The following DPP6 variants were observed in gnomAD, a reference collection of about 807,000 sequenced individuals.
DPP6 encodes the protein A-type potassium channel modulatory protein DPP6.
A neutral mutation model predicts 122.6 loss-of-function variants in DPP6; 69 were observed. That is an observed-to-expected ratio of 0.56 (90% CI 0.46 to 0.69). The LOEUF (loss-of-function observed/expected upper bound fraction) is 0.69. Among genes scored for constraint, DPP6 ranks in the 30% least tolerant of loss-of-function variants. DPP6 has a pLI of 0.00. For missense variants in DPP6, 928 were observed against 1,116.9 expected (o/e 0.83, Z 2.41); for synonymous variants, 418 against 433.1 (o/e 0.97, Z 0.43).
rs2629013 is a variant in DPP6, at chr7:154,010,251, A to G, written c.51+122517A>G. On this transcript the variant is annotated intron_variant, in intron 1 of 25. Transcript: ENST00000404039. Reference sequence around the variant, plus strand: ...TTTATACACCTTTCAGAAACAGAACACAGCAAATCTGCCTCAGCAAACATG... The same window carrying G: ...TTTATACACCTTTCAGAAACAGAACGCAGCAAATCTGCCTCAGCAAACATG... Among the ~76,000 whole-genome samples the G allele has an allele frequency of 2.1e-3, 322 of 152,358 alleles. 3 individuals are homozygous for G. The highest frequency in any genetic ancestry group is 7.2e-3 in the African/African-American group (301 of 41,592).
At chr7:154,330,641 T>C (rs1463257613) in intron 1 of DPP6, among the ~76,000 whole-genome samples, 1 of 152,208 alleles carries the variant, frequency 6.6e-6, no homozygotes, top group East Asian at 1.9e-4. Flanking sequence ...ACATACATTC[T>C]CAGCAGTGTA....
intron 1 of DPP6, among the ~76,000 whole-genome samples, chr7:154,040,889 T>G (rs1360780637): frequency 1.3e-5 from 2 of 150,288 alleles, no homozygotes; most frequent in Non-Finnish European, 3.0e-5. Flanking sequence ...CATCTTCAAC[T>G]CATAGCAGCC....
intron 1 of DPP6, among the ~76,000 whole-genome samples, chr7:154,106,857 G>A (rs867783025): frequency 6.6e-6 from 1 of 152,130 alleles, no homozygotes; most frequent in African/African-American, 2.4e-5. Flanking sequence ...AAGGAGCAAC[G>A]CACTGACGCT....
intron 5 of DPP6, chr7:154,587,380 C>T: frequency 1.9e-6 from 1 of 531,054 alleles, no homozygotes; most frequent in Non-Finnish European, 3.4e-6. Context: ...TTGATCTGGA[C>T]TCTTCTCTCC....
At chr7:154,426,659 G>T (rs1028002868) in intron 1 of DPP6, among the ~76,000 whole-genome samples, 3 of 151,960 alleles carry the variant, frequency 2.0e-5, no homozygotes, top group African/African-American at 7.3e-5. Flanking sequence ...CTCCAGAGGG[G>T]CAAACCATCC....
chr7:154,405,598 C>T (rs1816018708), intron 1 of DPP6, among the ~76,000 whole-genome samples: 1 of 151,574 alleles, frequency 6.6e-6, no homozygotes, highest in Non-Finnish European at 1.5e-5. Context: ...CCCACTGGGG[C>T]TCTGGAGGCT....
chr7:153,885,233 T>C (rs2128990429), upstream of DPP6, among the ~76,000 whole-genome samples: 1 of 152,092 alleles, frequency 6.6e-6, no homozygotes, highest in Non-Finnish European at 1.5e-5. Flanking sequence ...CTGTCCACAC[T>C]CAACTGGGTT....
chr7:154,862,195 C>G (rs1803466498), intron 17 of DPP6, among the ~76,000 whole-genome samples: 1 of 152,196 alleles, frequency 6.6e-6, no homozygotes, highest in African/African-American at 2.4e-5. Flanking sequence ...GAGGGGGCTC[C>G]AAGGCCTTCC....
chr7:154,240,287 C>T (rs961074645), intron 1 of DPP6, among the ~76,000 whole-genome samples: 1 of 152,078 alleles, frequency 6.6e-6, no homozygotes, highest in Admixed American at 6.6e-5. Context: ...GTCTCTGTTA[C>T]CACCGGATGC....
chr7:154,565,234 C>T (rs1373912690), intron 4 of DPP6, among the ~76,000 whole-genome samples: 1 of 152,194 alleles, frequency 6.6e-6, no homozygotes. Context: ...TCAAAGGAAG[C>T]TAACGTTGAG....
At chr7:154,123,053 G>T (rs930821528) in intron 1 of DPP6, among the ~76,000 whole-genome samples, 3 of 152,172 alleles carry the variant, frequency 2.0e-5, no homozygotes, top group Admixed American at 1.3e-4. Context: ...GTATCAAAGG[G>T]TCGGACACCT....
chr7:153,918,466 A>ACACACACACTCTCT (rs1379555083), intron 1 of DPP6, among the ~76,000 whole-genome samples: 2 of 95,952 alleles, frequency 2.1e-5, no homozygotes, highest in African/African-American at 7.7e-5. Flanking sequence ...ACACACACAC[A>ACACACACACTCTCT]CTCTCTCTCT....
intron 4 of DPP6, among the ~76,000 whole-genome samples, chr7:154,547,644 G>A (rs1314392189): frequency 2.0e-5 from 3 of 152,152 alleles, no homozygotes; most frequent in African/African-American, 2.4e-5. Context: ...GTGAGAAATC[G>A]TAGCACAAAC....
At chr7:154,030,104 G>A (rs1040673602) in intron 1 of DPP6, among the ~76,000 whole-genome samples, 2 of 152,094 alleles carry the variant, frequency 1.3e-5, no homozygotes, top group Non-Finnish European at 2.9e-5. Flanking sequence ...ATTGCAGTGG[G>A]AGGATCACTC....
At chr7:154,058,201 C>A (rs1801057861) in intron 1 of DPP6, 1 of 147,818 alleles carries the variant, frequency 6.8e-6, no homozygotes, top group Admixed American at 6.7e-5. Flanking sequence ...TGCGAACCTC[C>A]CCCTTTCCTC....
At chr7:153,948,917 A>C (rs1242609777) in intron 1 of DPP6, among the ~76,000 whole-genome samples, 1 of 151,662 alleles carries the variant, frequency 6.6e-6, no homozygotes, top group African/African-American at 2.4e-5. Flanking sequence ...TACTTCAAGC[A>C]AAATTGGGAA....
chr7:154,079,334 G>A (rs1803818373), intron 1 of DPP6, among the ~76,000 whole-genome samples: 1 of 141,516 alleles, frequency 7.1e-6, no homozygotes, highest in Non-Finnish European at 1.6e-5. Flanking sequence ...CTGTTCAGCA[G>A]AGATTTGTAA....
intron 1 of DPP6, among the ~76,000 whole-genome samples, chr7:154,121,774 A>G (rs949127785): frequency 8.5e-5 from 13 of 152,238 alleles, no homozygotes; most frequent in African/African-American, 3.1e-4. Context: ...AGAGTCTAAT[A>G]ATCCCTAATA....
At chr7:154,301,220 A>G (rs1051033121) in intron 1 of DPP6, among the ~76,000 whole-genome samples, 3 of 152,118 alleles carry the variant, frequency 2.0e-5, no homozygotes, top group African/African-American at 7.2e-5. Flanking sequence ...TAGCTTGGCC[A>G]TTGTTATTGT....
Sources: gnomAD v4.1 joint callset for allele counts (sites outside exome capture counted in the v4.1 genomes callset) on GRCh38, gnomAD v4.1.1 for gene constraint, MANE v1.5 for transcripts, NCBI Gene and HGNC (gene_info 2026-07-23, HGNC 2026-07-21) for gene names.